Variants in SCAF11 observed in about 807,000 individuals in gnomAD.
SCAF11 encodes the protein SR-related CTD associated factor 11.
Under a neutral mutation model 140.5 loss-of-function variants are expected in SCAF11, and 47 were observed. That is an observed-to-expected ratio of 0.33 (90% CI 0.26 to 0.43). The LOEUF (loss-of-function observed/expected upper bound fraction) is 0.43. Ranked by LOEUF, SCAF11 falls within the 20% of genes least tolerant of loss-of-function variation. The pLI is 1.00. For synonymous variants in SCAF11, 557 were observed against 579.4 expected, an observed-to-expected ratio of 0.96 and a Z score of 0.55; for missense variants, 1,645 against 1,705.1, an observed-to-expected ratio of 0.96 and a Z score of 0.62.
At chr12:45,932,057 G>A (rs1047853121) in intron 9 of SCAF11, among the ~76,000 whole-genome samples, 47 of 151,602 alleles carry the variant, frequency 3.1e-4, no homozygotes, top group Middle Eastern at 3.5e-3. Flanking sequence ...ATATATATAT[G>A]TCTGTGTTAA....
At chr12:45,940,935 G>C (rs1945282773) in intron 6 of SCAF11, among the ~76,000 whole-genome samples, 1 of 152,152 alleles carries the variant, frequency 6.6e-6, no homozygotes, top group Non-Finnish European at 1.5e-5. Flanking sequence ...CTCCCGAGTA[G>C]CTGGGACTAC....
rs1465447269 is a variant in SCAF11, at chr12:45,926,813, G to A, written c.2888C>T (p.Ser963Phe). Residue 963 changes from serine (S) to phenylalanine (F), a missense_variant, in exon 11 of 15, where the codon TCT becomes TTT. By Grantham distance (155) the Ser-to-Phe change is radical. Transcript: ENST00000369367. Reference protein sequence around the residue: ...SFGRIDRDSYSPRWKGRWAND... With the variant: ...SFGRIDRDSYFPRWKGRWAND... ...TGCCCATCTTCCCTTCCACCGGGGAGAGTAACTATCTCTGTCAATTCTACC... is the reference window on the plus strand; with the variant it reads ...TGCCCATCTTCCCTTCCACCGGGGAAAGTAACTATCTCTGTCAATTCTACC... 1 of 1,613,996 alleles carries A rather than the reference G, an allele frequency of 6.2e-7. No homozygotes were observed. The highest frequency in any genetic ancestry group is 1.3e-5 in the African/African-American group (1 of 74,902).
At chr12:45,964,048 C>CA (rs1945883280) in intron 2 of SCAF11, 59 bp downstream of exon 2, 1 of 851,604 alleles carries the variant, frequency 1.2e-6, no homozygotes, top group African/African-American at 1.7e-5. Context: ...TACAAGTGGA[C>CA]AGTTTGGAAA....
At position 45,921,035 on chromosome 12, in the gene SCAF11, T is replaced by A. The variant is rs1592158247; in HGVS notation, c.*1013A>T. The A allele has an allele frequency of 6.6e-6, 1 of 151,936 alleles. No individual in the cohort carries two copies. Among genetic ancestry groups the A allele is most frequent in the Non-Finnish European group, 1.5e-5 (1 of 68,002 alleles). 9.4% of individuals were successfully genotyped at this position (151,936 alleles called of 1,614,324 possible). ...TTTGCTCCTGTTGCCCAGGCTGGAG[T>A]GCAATGGCATGGTCTCGGCTCACTG... On this transcript the variant is annotated 3_prime_UTR_variant, in exon 15 of 15. Coordinates refer to ENST00000369367, the MANE Select transcript of SCAF11 (RefSeq NM_004719.3).
intron 12 of SCAF11, 88 bp downstream of exon 12, chr12:45,924,640 C>T: frequency 1.9e-6 from 2 of 1,030,000 alleles, no homozygotes; most frequent in South Asian, 1.7e-5. Flanking sequence ...TTTTTGAATG[C>T]CAGGATGCCT....
chr12:45,972,995 T>G (rs1004288847), intron 1 of SCAF11, among the ~76,000 whole-genome samples: 30 of 143,236 alleles, frequency 2.1e-4, no homozygotes, highest in East Asian at 7.8e-4. Flanking sequence ...TAGATATAGA[T>G]ATATAGATAT....
At chr12:45,974,919 G>A (rs887996389) in intron 1 of SCAF11, 2 of 152,208 alleles carry the variant, frequency 1.3e-5, no homozygotes, top group African/African-American at 4.8e-5. Context: ...AACAGAATAA[G>A]ACTTAACAGT....
intron 1 of SCAF11, among the ~76,000 whole-genome samples, chr12:45,981,327 AAAAC>A (rs1332370609): frequency 6.6e-6 from 1 of 152,196 alleles, no homozygotes; most frequent in Non-Finnish European, 1.5e-5. Context: ...ACTCATCCCT[AAAAC>A]AAACTATTCT....
Position 45,934,431 on chromosome 12 carries a change from C to G in SCAF11, c.522+16G>C, listed in dbSNP as rs371024054. 35 of 1,573,512 alleles carry G rather than the reference C, an allele frequency of 2.2e-5. No homozygotes were observed. Among genetic ancestry groups the G allele is most frequent in the Non-Finnish European group, 2.8e-5 (33 of 1,161,020 alleles). ...GTTATCATCTAAGAAAAAGATTTTT[C>G]TTGGTTTCAACAAACCTTATTTATC... On this transcript the variant is annotated intron_variant, in intron 7 of 14. Coordinates refer to ENST00000369367, the MANE Select transcript of SCAF11 (RefSeq NM_004719.3).
At chr12:45,961,069 T>C in intron 3 of SCAF11, 1 of 400,586 alleles carries the variant, frequency 2.5e-6, no homozygotes. Context: ...AATGTCTTGT[T>C]TCTTATTCAC....
chr12:45,979,830 A>G (rs1946311134), intron 1 of SCAF11, among the ~76,000 whole-genome samples: 1 of 152,096 alleles, frequency 6.6e-6, no homozygotes. Flanking sequence ...TCCTACTCCT[A>G]TGAAATACAA....
intron 12 of SCAF11, among the ~76,000 whole-genome samples, chr12:45,924,251 A>G (rs887483352): frequency 6.6e-6 from 1 of 152,224 alleles, no homozygotes; most frequent in East Asian, 1.9e-4. Context: ...TCTTTTTAGC[A>G]TGATAAATTC....
intron 13 of SCAF11, 80 bp from the exon 14 acceptor site, chr12:45,922,662 C>T (rs1427640108): frequency 1.5e-6 from 2 of 1,351,382 alleles, no homozygotes; most frequent in Non-Finnish European, 2.0e-6. Context: ...ATTGAAAATA[C>T]TTCATATTTA....
At chr12:45,981,095 T>C (rs191510588) in intron 1 of SCAF11, among the ~76,000 whole-genome samples, 12 of 152,328 alleles carry the variant, frequency 7.9e-5, no homozygotes, top group Admixed American at 7.8e-4. Context: ...AATAATGCTG[T>C]TAGAGATTGA....
intron 2 of SCAF11, among the ~76,000 whole-genome samples, chr12:45,963,805 C>A (rs1024129643): frequency 1.3e-5 from 2 of 152,064 alleles, no homozygotes; most frequent in African/African-American, 4.8e-5. Context: ...ACAGTACCAA[C>A]GCTAACTTTT....
intron 3 of SCAF11, chr12:45,954,997 C>T (rs1209384445): frequency 1.3e-5 from 2 of 151,448 alleles, no homozygotes; most frequent in South Asian, 2.1e-4. Flanking sequence ...TAAGAAAAGG[C>T]TCCACTGGTA....
chr12:45,943,150 A>C (rs1464080657), intron 6 of SCAF11, among the ~76,000 whole-genome samples: 1 of 152,230 alleles, frequency 6.6e-6, no homozygotes, highest in Non-Finnish European at 1.5e-5. Context: ...TAGACTTATC[A>C]AATTTCCCTA....
intron 1 of SCAF11, among the ~76,000 whole-genome samples, chr12:45,989,018 A>ATGAACTTTTTCT (rs1447083729): frequency 6.6e-6 from 1 of 152,218 alleles, no homozygotes; most frequent in African/African-American, 2.4e-5. Context: ...CAAAAGGCCC[A>ATGAACTTTTTCT]TGAACTTTTT....
At chr12:45,952,690 CA>C (rs1945580161) in intron 3 of SCAF11, among the ~76,000 whole-genome samples, 1 of 152,044 alleles carries the variant, frequency 6.6e-6, no homozygotes, top group South Asian at 2.1e-4. Flanking sequence ...AATGGGTTTA[CA>C]TTATTTAAAG....
Sources: gnomAD v4.1 joint callset for allele counts (sites outside exome capture counted in the v4.1 genomes callset) on GRCh38, gnomAD v4.1.1 for gene constraint, MANE v1.5 for transcripts, NCBI Gene and HGNC (gene_info 2026-07-23, HGNC 2026-07-21) for gene names.